NPSR1: variants seen among roughly 807,000 people sequenced by gnomAD.
The protein encoded by NPSR1 is neuropeptide S receptor.
In NPSR1, 48 loss-of-function variants were observed where a neutral mutation model predicts 46.9. The observed-to-expected ratio is 1.02, with a 90% CI of 0.81 to 1.30. The LOEUF (loss-of-function observed/expected upper bound fraction) is 1.30, where lower values mean the gene tolerates loss of function less well. NPSR1 is among the 50% of genes most tolerant of loss of function. The probability of loss-of-function intolerance (pLI) is 0.00; values close to 1 mark genes in which losing one functional copy is unlikely to be tolerated. For missense variants in NPSR1, 450 were observed against 449.5 expected (o/e 1.00, Z -0.01); for synonymous variants, 176 against 168.1 (o/e 1.05, Z -0.36).
At chr7:34,730,700 TCTCAAGCTC>T (rs1784381118) in intron 2 of NPSR1, among the ~76,000 whole-genome samples, 1 of 152,180 alleles carries the variant, frequency 6.6e-6, no homozygotes, top group African/African-American at 2.4e-5. Flanking sequence ...CCCACCTAAT[TCTCAAGCTC>T]CTCCCTCTTC....
chr7:34,876,506 A>C (rs13243083), intron 8 of NPSR1, among the ~76,000 whole-genome samples: 72 of 152,352 alleles, frequency 4.7e-4, no homozygotes, highest in African/African-American at 1.7e-3. Flanking sequence ...TAGTACATAC[A>C]GCACCGCCCC....
intron 3 of NPSR1, among the ~76,000 whole-genome samples, chr7:34,801,539 C>T (rs1310511490): frequency 2.2e-5 from 3 of 137,484 alleles, no homozygotes; most frequent in Non-Finnish European, 4.5e-5. Context: ...TAAAAACACT[C>T]AATAAATTAG....
At chr7:34,873,353 C>T (rs1016708010) in intron 8 of NPSR1, among the ~76,000 whole-genome samples, 2 of 151,750 alleles carry the variant, frequency 1.3e-5, no homozygotes, top group Non-Finnish European at 2.9e-5. Context: ...CAATGCCCAA[C>T]TCCTCAGTAC....
intron 1 of NPSR1, among the ~76,000 whole-genome samples, chr7:34,678,487 CT>C (rs1346040275): frequency 1.3e-5 from 2 of 152,098 alleles, no homozygotes; most frequent in Non-Finnish European, 2.9e-5. Context: ...TGGAAAATCT[CT>C]TACTTGTATT....
intron 2 of NPSR1, among the ~76,000 whole-genome samples, chr7:34,689,312 T>G (rs933637952): frequency 2.0e-4 from 30 of 151,940 alleles, no homozygotes; most frequent in Admixed American, 1.5e-3. Flanking sequence ...CACAATACAA[T>G]AAGAAATCTG....
chr7:34,772,009 T>A (rs1268512275), intron 2 of NPSR1, among the ~76,000 whole-genome samples: 1 of 152,244 alleles, frequency 6.6e-6, no homozygotes, highest in Non-Finnish European at 1.5e-5. Flanking sequence ...GGGGATGCTT[T>A]GCGGTAGGCA....
rs532330459 is a variant in NPSR1, at chr7:34,862,248, T to C, written c.1025+13585T>C. 6.5e-4 allele frequency among the ~76,000 whole-genome samples: 98 copies of C among 151,708 alleles called. 3 individuals carry two copies. Among genetic ancestry groups the C allele is most frequent in the African/African-American group, 1.9e-3 (79 of 41,060 alleles). ...GGGAGTGGGAGTTGGGGGGTGGCAG[T>C]GGGCAGTTCTTCCTCCAAGCCCCAG... On this transcript the variant is annotated intron_variant, in intron 8 of 8. Coordinates refer to the NPSR1 transcript ENST00000359791.
chr7:34,857,918 T>C (rs990293955), intron 8 of NPSR1, among the ~76,000 whole-genome samples: 17 of 151,516 alleles, frequency 1.1e-4, no homozygotes, highest in African/African-American at 4.2e-4. Flanking sequence ...AAAGAAGTTA[T>C]CCAAATGGAC....
chr7:34,734,344 G>A (rs1425461270), intron 2 of NPSR1, among the ~76,000 whole-genome samples: 1 of 152,112 alleles, frequency 6.6e-6, no homozygotes, highest in Non-Finnish European at 1.5e-5. Flanking sequence ...ACCAAACAAG[G>A]CAATAAATGT....
Position 34,658,474 on chromosome 7 carries a change from C to T in NPSR1, c.62C>T (p.Ser21Phe). 3 of 1,614,160 alleles carry T rather than the reference C, an allele frequency of 1.9e-6. No homozygotes were observed. The highest frequency in any genetic ancestry group is 2.5e-6 in the Non-Finnish European group (3 of 1,180,002). The change falls in exon 1 of 9, where the codon TCT (serine) becomes TTT (phenylalanine). Residue 21 changes from serine to phenylalanine, a missense_variant. By Grantham distance (155) the Ser-to-Phe change is radical. Transcript: ENST00000360581. ...AGTGGGACCGGGCAGACGCTGGATT[C>T]TTCCCCAGTGGCTTGCACTGAAACA... ...DSSGTGQTLD[S>F]SPVACTETVT...
At chr7:34,803,189 C>T (rs1314293992) in intron 3 of NPSR1, among the ~76,000 whole-genome samples, 2 of 151,742 alleles carry the variant, frequency 1.3e-5, no homozygotes, top group African/African-American at 2.4e-5. Flanking sequence ...ACTAGAAATA[C>T]CATTTGACCC....
intron 1 of NPSR1, 52 bp from the exon 2 acceptor site, chr7:34,684,500 G>C (rs1792823091): frequency 6.3e-7 from 1 of 1,585,780 alleles, no homozygotes; most frequent in Non-Finnish European, 8.6e-7. Context: ...ATTCTGTAAA[G>C]AACTCCAGTT....
At position 34,725,765 on chromosome 7, in the gene NPSR1, T is replaced by C. The variant is rs553284277; in HGVS notation, c.280+41081T>C. 1.6e-4 allele frequency among the ~76,000 whole-genome samples: 24 copies of C among 152,336 alleles called. No homozygotes were observed. In the South Asian group the frequency reaches 4.8e-3, roughly 30 times the overall value. On this transcript the variant is annotated intron_variant, in intron 2 of 8. Coordinates refer to ENST00000360581, the MANE Select transcript of NPSR1 (RefSeq NM_207172.2). ...AAGACAGACATCGGATAAAGGACTA[T>C]TGATATGGTTTGGCTGTGTCCCCAC... is the stretch of plus-strand genomic sequence containing the variant.
Position 34,658,298 on chromosome 7 carries a change from G to A in NPSR1, c.-115G>A. On this transcript the variant is annotated 5_prime_UTR_variant, in exon 1 of 9. Transcript: ENST00000360581. ...CTTCAGTGAGGTGGGCTCAGGGAGG[G>A]CTCTGTGCCTCCGTTCAGCAGAGCT... 2 of 1,157,890 alleles carry A rather than the reference G, an allele frequency of 1.7e-6. No homozygotes were observed. The highest frequency in any genetic ancestry group is 2.1e-5 in the Admixed American group (1 of 48,324). 71.7% of individuals were successfully genotyped at this position (1,157,890 alleles called of 1,614,324 possible). A position where few individuals can be genotyped will look rare whatever the true frequency, so the allele number is the denominator to read the frequency against.
intron 2 of NPSR1, among the ~76,000 whole-genome samples, chr7:34,770,812 G>A (rs1786645738): frequency 6.6e-6 from 1 of 152,168 alleles, no homozygotes; most frequent in African/African-American, 2.4e-5. Flanking sequence ...CTGGAGGCTG[G>A]GAAGTCTAAG....
chr7:34,678,207 GC>G (rs1792418832), intron 1 of NPSR1, among the ~76,000 whole-genome samples: 1 of 149,168 alleles, frequency 6.7e-6, no homozygotes, highest in Non-Finnish European at 1.5e-5. Flanking sequence ...ATGATACAAG[GC>G]TTTGCAATTC....
intron 2 of NPSR1, among the ~76,000 whole-genome samples, chr7:34,757,562 C>T (rs1785929869): frequency 6.6e-6 from 1 of 152,202 alleles, no homozygotes; most frequent in African/African-American, 2.4e-5. Context: ...CACACTGGAA[C>T]ACAGCCTTCC....
chr7:34,716,439 C>T (rs1783573847), intron 2 of NPSR1, among the ~76,000 whole-genome samples: 1 of 152,170 alleles, frequency 6.6e-6, no homozygotes, highest in Non-Finnish European at 1.5e-5. Flanking sequence ...GATGAAGACA[C>T]AGAGTTTCTG....
intron 3 of NPSR1, among the ~76,000 whole-genome samples, chr7:34,789,740 CAAA>C (rs751424409): frequency 4.6e-4 from 21 of 45,346 alleles, no homozygotes; most frequent in Admixed American, 9.6e-4. Context: ...TTGCAGTGCG[CAAA>C]AAAAAAAAAA....
Sources: allele counts gnomAD v4.1 joint callset (sites outside exome capture counted in the v4.1 genomes callset), GRCh38; gene constraint gnomAD v4.1.1; transcripts MANE v1.5; gene names NCBI Gene and HGNC (gene_info 2026-07-23, HGNC 2026-07-21).